PIK3R5: variants seen among roughly 807,000 people sequenced by gnomAD.
The protein encoded by PIK3R5 is phosphoinositide-3-kinase regulatory subunit 5, also known as phosphoinositide 3-kinase regulatory subunit 5.
PIK3R5 carries 32 observed loss-of-function variants against 94.9 expected under a neutral mutation model. That is an observed-to-expected ratio of 0.34 (90% confidence interval 0.25 to 0.45). The LOEUF is 0.45. Ranked by LOEUF, PIK3R5 falls within the 20% of genes least tolerant of loss-of-function variation. PIK3R5 has a pLI of 1.00. For missense variants in PIK3R5, 853 were observed against 1,144.6 expected (o/e 0.75, Z 3.68); for synonymous variants, 443 against 479.4 (o/e 0.92, Z 0.99).
intron 1 of PIK3R5, among the ~76,000 whole-genome samples, chr17:8,918,701 T>C (rs1267169581): frequency 1.3e-5 from 2 of 152,174 alleles, no homozygotes; most frequent in African/African-American, 4.8e-5. Context: ...GATATTTGTA[T>C]AGCCTCAAAG....
chr17:8,907,848 G>T (rs2090430224), intron 3 of PIK3R5, among the ~76,000 whole-genome samples: 1 of 152,034 alleles, frequency 6.6e-6, no homozygotes, highest in South Asian at 2.1e-4. Flanking sequence ...ATGTTGCCCA[G>T]GCTGGTCTTG....
In PIK3R5 at chr17:8,955,261, C is replaced by T. The variant is rs1188055153; in HGVS notation, c.-14+10335G>A. On this transcript the variant is annotated intron_variant, in intron 1 of 18. Coordinates refer to ENST00000447110, the MANE Select transcript of PIK3R5 (RefSeq NM_001142633.3). This position sits in a 1 kb window ranked among gnomAD's most constrained non-coding sequence, Gnocchi z 4.4. ...CATGCTGGCTGCTCGACCAGGCAAT[C>T]ACTCATTCAGCAAGCACTGATTGAA... Among the ~76,000 whole-genome samples, 1 of 152,232 alleles carries T rather than the reference C, an allele frequency of 6.6e-6. No homozygotes were observed. The highest frequency in any genetic ancestry group is 2.4e-5 in the African/African-American group (1 of 41,458).
At chr17:8,913,727 A>G (rs575496979) in intron 1 of PIK3R5, among the ~76,000 whole-genome samples, 1 of 152,324 alleles carries the variant, frequency 6.6e-6, no homozygotes, top group Non-Finnish European at 1.5e-5. Context: ...GAAAACAAAA[A>G]GAAGAAAACC....
In PIK3R5 at chr17:8,893,479, G is replaced by T; in HGVS notation, c.482+107C>A. The T allele has an allele frequency of 2.3e-6, 2 of 866,438 alleles. No homozygotes were observed. The highest frequency in any genetic ancestry group is 2.5e-5 in the East Asian group (1 of 40,100). The allele number at this position is 866,438 out of a possible 1,614,324, so 53.7% of individuals were successfully genotyped here. ...GTTTGTTGCTGGCTGGGGTGGACAG[G>T]GGGTGGGGGCACTGGATGTTTGAGT... On this transcript the variant is annotated intron_variant, in intron 6 of 18. Coordinates refer to ENST00000447110, the MANE Select transcript of PIK3R5 (RefSeq NM_001142633.3). The surrounding 1 kb of genome is among the most constrained non-coding windows in gnomAD (Gnocchi z 5.1).
At chr17:8,929,327 A>G (rs545017088) in intron 1 of PIK3R5, among the ~76,000 whole-genome samples, 1 of 152,252 alleles carries the variant, frequency 6.6e-6, no homozygotes, top group African/African-American at 2.4e-5. Context: ...TTTATATATA[A>G]ATATATAGAC....
intron 1 of PIK3R5, among the ~76,000 whole-genome samples, chr17:8,956,058 A>T (rs1169314450): frequency 6.6e-6 from 1 of 151,884 alleles, no homozygotes; most frequent in East Asian, 1.9e-4. Flanking sequence ...TACTCAGGAG[A>T]CTGAGGCAGG....
chr17:8,952,234 G>GTC (rs897083401), intron 1 of PIK3R5, among the ~76,000 whole-genome samples: 2 of 152,302 alleles, frequency 1.3e-5, no homozygotes, highest in African/African-American at 4.8e-5. Context: ...ATTATTTTGG[G>GTC]TCTCTCCAAT....
chr17:8,942,676 G>GAGGCA (rs571592188), intron 1 of PIK3R5, among the ~76,000 whole-genome samples: 6,589 of 150,960 alleles, frequency 0.044, 197 homozygotes, highest in Non-Finnish European at 0.063. Flanking sequence ...TGCGATCTCT[G>GAGGCA]CTCACTGCAA....
chr17:8,950,210 A>G lies in PIK3R5; in HGVS notation c.-14+15386T>C, dbSNP rs577198909. Among the ~76,000 whole-genome samples, 32 of 152,344 alleles carry G rather than the reference A, an allele frequency of 2.1e-4. No homozygotes were observed. The East Asian group carries it at 6.0e-3, about 28-fold the overall frequency. On this transcript the variant is annotated intron_variant, in intron 1 of 18. Transcript: ENST00000447110. ...ATTACTGGCTTCATAACCTCACCCA[A>G]AGGGTGTTGAGTAGCTTCATCTGTA... is the stretch of plus-strand genomic sequence containing the variant.
chr17:8,943,031 C>A (rs531386616), intron 1 of PIK3R5, among the ~76,000 whole-genome samples: 4 of 151,552 alleles, frequency 2.6e-5, no homozygotes, highest in Non-Finnish European at 5.9e-5. Flanking sequence ...CTGTGGACAT[C>A]ATAGCACATC....
At chr17:8,956,828 G>A (rs912868107) in intron 1 of PIK3R5, among the ~76,000 whole-genome samples, 2 of 152,202 alleles carry the variant, frequency 1.3e-5, no homozygotes, top group African/African-American at 4.8e-5. Context: ...ACTCACGGAG[G>A]AAGGCAATTT....
chr17:8,886,625 G>T lies in PIK3R5; in HGVS notation c.1906-20C>A. On this transcript the variant is annotated intron_variant, in intron 12 of 18. Transcript: ENST00000447110. ...GGACTGCTGTGGCCAGAGGGAAGGG[G>T]CAGCCAAGCCAGATGGGTGGGTGGA... The T allele has an allele frequency of 6.4e-7, 1 of 1,560,184 alleles. No individual in the cohort carries two copies. Among genetic ancestry groups the T allele is most frequent in the African/African-American group, 1.4e-5 (1 of 72,858 alleles).
intron 1 of PIK3R5, among the ~76,000 whole-genome samples, chr17:8,918,756 A>C (rs942543248): frequency 6.6e-6 from 1 of 152,192 alleles, no homozygotes; most frequent in African/African-American, 2.4e-5. Flanking sequence ...GAAAACAAGA[A>C]CTTCTCAGTG....
chr17:8,905,827 CT>C, intron 3 of PIK3R5, 90 bp from the exon 4 acceptor site: 1 of 645,490 alleles, frequency 1.5e-6, no homozygotes. Flanking sequence ...TCATTCTAGC[CT>C]TTCTTTTTTT....
At position 8,887,620 on chromosome 17, in the gene PIK3R5, A is replaced by C. The variant is rs1391418768; in HGVS notation, c.1680T>G (p.Pro560=). ...GGCTGGTCCCATGACTTCGCTTCAC[A>C]GGCACGTAGAAGAACTGAAGTTTGA... ...RFFKLQFFYV[P]VKRSHGTSPG... Residue 560 remains proline, a synonymous_variant, in exon 11 of 19, where the codon CCT becomes CCG. Transcript: ENST00000447110. 6.2e-7 allele frequency: 1 copy of C among 1,609,862 alleles called. No individual in the cohort carries two copies. The highest frequency in any genetic ancestry group is 8.5e-7 in the Non-Finnish European group (1 of 1,178,148).
In PIK3R5 at chr17:8,881,442, T is replaced by C. The variant is rs397187; in HGVS notation, c.2382+188A>G. On this transcript the variant is annotated intron_variant, in intron 17 of 18. Transcript: ENST00000447110. This position sits in a 1 kb window ranked among gnomAD's most constrained non-coding sequence, Gnocchi z 4.8. ...CACACCTGTGTGCATCCCCAAATCATACCCCTCACCCTGCCTCTCCTCCCC... is the reference window on the plus strand; with the variant it reads ...CACACCTGTGTGCATCCCCAAATCACACCCCTCACCCTGCCTCTCCTCCCC... Among the ~76,000 whole-genome samples the C allele has an allele frequency of 0.49, 73,814 of 151,262 alleles. 19,311 individuals carry two copies. The highest frequency in any genetic ancestry group is 0.67 in the African/African-American group (27,558 of 41,168).
At chr17:8,900,390 C>T (rs2090253648) in intron 5 of PIK3R5, among the ~76,000 whole-genome samples, 1 of 152,114 alleles carries the variant, frequency 6.6e-6, no homozygotes, top group Non-Finnish European at 1.5e-5. Context: ...TGTATATTTA[C>T]GTATGTGTGA....
At chr17:8,927,143 G>T (rs1185750819) in intron 1 of PIK3R5, among the ~76,000 whole-genome samples, 1 of 152,160 alleles carries the variant, frequency 6.6e-6, no homozygotes, top group Non-Finnish European at 1.5e-5. Context: ...GAGCTGAACA[G>T]CCAGCAATCT....
chr17:8,931,940 C>T (rs1255824477), intron 1 of PIK3R5, among the ~76,000 whole-genome samples: 1 of 152,212 alleles, frequency 6.6e-6, no homozygotes, highest in African/African-American at 2.4e-5. Flanking sequence ...TATAAATTAA[C>T]TGCCTGGCAG....
Sources: gnomAD v4.1 joint callset for allele counts (sites outside exome capture counted in the v4.1 genomes callset) on GRCh38, gnomAD v4.1.1 for gene constraint, Gnocchi (gnomAD v3.1) non-coding constraint, MANE v1.5 for transcripts, NCBI Gene and HGNC (gene_info 2026-07-23, HGNC 2026-07-21) for gene names.